The following SLC30A7 variants were observed in gnomAD, a reference collection of about 807,000 sequenced individuals.
SLC30A7 encodes solute carrier family 30 member 7, also known as zinc transporter 7.
In SLC30A7, 35 loss-of-function variants were observed where a neutral mutation model predicts 46.0. That is an observed-to-expected ratio of 0.76 (90% CI 0.58 to 1.01). The LOEUF is 1.01. Among genes scored for constraint, SLC30A7 ranks in the 50% least tolerant of loss-of-function variants. SLC30A7 has a pLI of 0.00. For synonymous variants in SLC30A7, 147 were observed against 157.8 expected, an observed-to-expected ratio of 0.93 and a Z score of 0.51; for missense variants, 464 against 451.1, an observed-to-expected ratio of 1.03 and a Z score of -0.26.
chr1:100,933,135 C>G (rs1367490103), intron 8 of SLC30A7, among the ~76,000 whole-genome samples: 1 of 151,958 alleles, frequency 6.6e-6, no homozygotes, highest in Admixed American at 6.6e-5. Flanking sequence ...ACCATCACAC[C>G]CAGCTAATTT....
At chr1:100,927,640 G>T (rs1274778917) in intron 8 of SLC30A7, among the ~76,000 whole-genome samples, 2 of 152,172 alleles carry the variant, frequency 1.3e-5, no homozygotes, top group African/African-American at 4.8e-5. Context: ...TTTTTCTTCA[G>T]TCTTGTTCAG....
chr1:100,925,455 A>G (rs1653236750), intron 8 of SLC30A7, among the ~76,000 whole-genome samples: 1 of 152,206 alleles, frequency 6.6e-6, no homozygotes, highest in South Asian at 2.1e-4. Context: ...CAGACCAGCT[A>G]GAAGGCTATT....
In SLC30A7 at chr1:100,965,392, G is replaced by A. The variant is rs145314654; in HGVS notation, c.934-377G>A. Among the ~76,000 whole-genome samples, 38 of 152,236 alleles carry A rather than the reference G, an allele frequency of 2.5e-4. 1 individual carries two copies. The East Asian group carries it at 4.4e-3, about 18-fold the overall frequency. ...AGGGAATACATCTAATGTTTCATCC[G>A]TATTTTCTGTACATTTTTGGTAGTT... On this transcript the variant is annotated intron_variant, in intron 9 of 10. Transcript: ENST00000357650.
chr1:100,943,245 C>T (rs1654454816), intron 8 of SLC30A7, among the ~76,000 whole-genome samples: 2 of 152,148 alleles, frequency 1.3e-5, no homozygotes, highest in Admixed American at 1.3e-4. Context: ...ATCCCACAAC[C>T]CCCTCCTTGG....
chr1:100,974,210 G>A (rs1340985488), intron 10 of SLC30A7, among the ~76,000 whole-genome samples: 1 of 152,132 alleles, frequency 6.6e-6, no homozygotes, highest in Non-Finnish European at 1.5e-5. Context: ...AGTGTACATT[G>A]TACCCAAAAG....
chr1:100,979,953 G>A lies in SLC30A7; in HGVS notation c.*5096G>A, dbSNP rs374390947. On this transcript the variant is annotated 3_prime_UTR_variant, in exon 11 of 11. Coordinates refer to ENST00000357650, the MANE Select transcript of SLC30A7 (RefSeq NM_133496.5). ...GTGAATAATCACCATGACAAAATTG[G>A]TATGGCGGAACAGTCATTATACATT... The A allele has an allele frequency of 6.6e-6, 1 of 152,034 alleles. No homozygotes were observed. Among genetic ancestry groups the A allele is most frequent in the African/African-American group, 2.4e-5 (1 of 41,408 alleles). The allele number at this position is 152,034 out of a possible 1,614,324, so 9.4% of individuals were successfully genotyped here.
intron 8 of SLC30A7, among the ~76,000 whole-genome samples, chr1:100,946,883 C>T (rs1470694010): frequency 2.0e-5 from 3 of 152,118 alleles, no homozygotes; most frequent in South Asian, 2.1e-4. Flanking sequence ...CTTTGTACCT[C>T]TGGTAGAATT....
chr1:100,986,314 C>T (rs886882327), downstream of SLC30A7, among the ~76,000 whole-genome samples: 3 of 151,682 alleles, frequency 2.0e-5, no homozygotes, highest in South Asian at 4.2e-4. Flanking sequence ...GAGGCTGAGA[C>T]ATGAGAATAG....
chr1:100,948,734 GTTACTTT>G (rs1325261020), intron 8 of SLC30A7, among the ~76,000 whole-genome samples: 1 of 151,928 alleles, frequency 6.6e-6, no homozygotes, highest in Admixed American at 6.6e-5. Context: ...TGGAGGCTTT[GTTACTTT>G]TTACTTTTTT....
At chr1:100,995,946 G>C in the SLC30A7 span, 2 of 152,210 alleles carry the variant, frequency 1.3e-5, no homozygotes, top group Non-Finnish European at 2.9e-5. Context: ...TAGTGCAACT[G>C]AGGAGTCTTT....
chr1:100,897,694 A>T (rs1651053405), intron 2 of SLC30A7, among the ~76,000 whole-genome samples: 2 of 152,318 alleles, frequency 1.3e-5, no homozygotes, highest in South Asian at 4.1e-4. Flanking sequence ...ATACTTTTAT[A>T]TAATGCTTGG....
intron 8 of SLC30A7, among the ~76,000 whole-genome samples, chr1:100,929,336 T>C (rs1653526148): frequency 6.6e-6 from 1 of 152,098 alleles, no homozygotes; most frequent in African/African-American, 2.4e-5. Context: ...AAATTCTAGT[T>C]CAGCATTTTT....
At chr1:100,923,500 C>A (rs1037728227) in intron 8 of SLC30A7, among the ~76,000 whole-genome samples, 1 of 152,054 alleles carries the variant, frequency 6.6e-6, no homozygotes, top group Non-Finnish European at 1.5e-5. Flanking sequence ...GTTATAAGCT[C>A]AGCACAGTGC....
At chr1:100,926,381 A>G (rs965488331) in intron 8 of SLC30A7, among the ~76,000 whole-genome samples, 2 of 152,174 alleles carry the variant, frequency 1.3e-5, no homozygotes, top group Non-Finnish European at 2.9e-5. Flanking sequence ...GGGAGGCCTC[A>G]GGAATCTTAC....
At chr1:100,931,385 G>A (rs1399982851) in intron 8 of SLC30A7, among the ~76,000 whole-genome samples, 1 of 152,000 alleles carries the variant, frequency 6.6e-6, no homozygotes, top group Non-Finnish European at 1.5e-5. Context: ...TGCACAATTC[G>A]TAAATATGCC....
intron 6 of SLC30A7, among the ~76,000 whole-genome samples, chr1:100,915,735 G>A (rs546395287): frequency 6.6e-6 from 1 of 152,300 alleles, no homozygotes; most frequent in South Asian, 2.1e-4. Flanking sequence ...ATGCTGTAGT[G>A]AATACGGAAG....
chr1:100,900,127 T>G (rs1468848383), intron 2 of SLC30A7, among the ~76,000 whole-genome samples: 4 of 152,202 alleles, frequency 2.6e-5, no homozygotes, highest in Admixed American at 1.3e-4. Context: ...TTGTCCAAGT[T>G]TGATGTCCAA....
intron 8 of SLC30A7, among the ~76,000 whole-genome samples, chr1:100,950,746 C>A (rs1303489774): frequency 6.6e-6 from 1 of 152,170 alleles, no homozygotes; most frequent in Non-Finnish European, 1.5e-5. Flanking sequence ...ATAACTTTAA[C>A]CCCGACTAGT....
At chr1:100,946,411 T>C (rs1221825092) in intron 8 of SLC30A7, among the ~76,000 whole-genome samples, 2 of 152,222 alleles carry the variant, frequency 1.3e-5, no homozygotes, top group African/African-American at 4.8e-5. Flanking sequence ...TAGTATGATA[T>C]TGGCTGTGGG....
Sources: allele counts gnomAD v4.1 joint callset (sites outside exome capture counted in the v4.1 genomes callset), GRCh38; gene constraint gnomAD v4.1.1; transcripts MANE v1.5; gene names NCBI Gene and HGNC (gene_info 2026-07-23, HGNC 2026-07-21).